Variants in ZGRF1 observed in about 807,000 individuals in gnomAD.
The protein encoded by ZGRF1 is zinc finger GRF-type containing 1.
In ZGRF1, 196 loss-of-function variants were observed where a neutral mutation model predicts 203.5. That is an observed-to-expected ratio of 0.96 (90% CI 0.86 to 1.08). ZGRF1 has a LOEUF of 1.08. Among genes scored for constraint, ZGRF1 ranks in the 50% least tolerant of loss-of-function variants. ZGRF1 has a pLI of 0.00. For synonymous variants in ZGRF1, 809 were observed against 841.3 expected (o/e 0.96, Z 0.66); for missense variants, 2,326 against 2,416.3 (o/e 0.96, Z 0.78).
intron 22 of ZGRF1, among the ~76,000 whole-genome samples, chr4:112,550,848 C>CA (rs1364078347): frequency 1.3e-5 from 2 of 152,042 alleles, no homozygotes; most frequent in African/African-American, 4.8e-5. Flanking sequence ...GATTCTATCT[C>CA]AAAAAAATTA....
At chr4:112,578,367 G>A (rs1431343202) in intron 16 of ZGRF1, among the ~76,000 whole-genome samples, 2 of 120,466 alleles carry the variant, frequency 1.7e-5, no homozygotes, top group African/African-American at 5.8e-5. Flanking sequence ...AAGAACTAGA[G>A]AAGCAAGAGC....
chr4:112,625,289 T>C (rs1397226711), intron 3 of ZGRF1, among the ~76,000 whole-genome samples: 6 of 148,352 alleles, frequency 4.0e-5, no homozygotes, highest in South Asian at 2.2e-4. Flanking sequence ...ACCCTGTCTA[T>C]TTAAAAAAAG....
chr4:112,556,713 A>G (rs1741001878), intron 20 of ZGRF1, among the ~76,000 whole-genome samples: 1 of 152,216 alleles, frequency 6.6e-6, no homozygotes, highest in Non-Finnish European at 1.5e-5. Flanking sequence ...GGACACAAAC[A>G]ACACATACTA....
At chr4:112,607,575 C>G (rs1750961946) in intron 8 of ZGRF1, among the ~76,000 whole-genome samples, 1 of 152,160 alleles carries the variant, frequency 6.6e-6, no homozygotes, top group East Asian at 1.9e-4. Flanking sequence ...TCAAAGAACA[C>G]ACTGTTTTGA....
chr4:112,580,548 T>C (rs1224852579), intron 16 of ZGRF1, among the ~76,000 whole-genome samples: 4 of 151,448 alleles, frequency 2.6e-5, no homozygotes, highest in East Asian at 3.9e-4. Flanking sequence ...GGCTAATATC[T>C]AGAATCTACA....
intron 22 of ZGRF1, among the ~76,000 whole-genome samples, chr4:112,550,873 A>C (rs1030712641): frequency 5.9e-5 from 9 of 152,184 alleles, no homozygotes; most frequent in Non-Finnish European, 1.3e-4. Context: ...TTTTTTTAGA[A>C]GTCTACAGTA....
At chr4:112,623,949 ATAAG>A (rs1488938364) in intron 3 of ZGRF1, 73 bp from the exon 4 acceptor site, 52 of 758,532 alleles carry the variant, frequency 6.9e-5, no homozygotes, top group Non-Finnish European at 9.7e-5. Context: ...TCAAGAGGAA[ATAAG>A]TAATTGTTAT....
intron 13 of ZGRF1, among the ~76,000 whole-genome samples, 152 bp from the exon 14 acceptor site, chr4:112,585,877 TAACA>T (rs1276864905): frequency 8.6e-5 from 13 of 150,462 alleles, no homozygotes; most frequent in African/African-American, 2.9e-4. Flanking sequence ...CTGCTAAATT[TAACA>T]GGTCATTTGT....
In ZGRF1 at chr4:112,618,138, A is replaced by G; in HGVS notation, c.1904T>C (p.Ile635Thr). 1.2e-6 allele frequency: 2 copies of G among 1,613,736 alleles called. No individual in the cohort carries two copies. The highest frequency in any genetic ancestry group is 8.5e-7 in the Non-Finnish European group (1 of 1,179,812). The change falls in exon 6 of 28, where the codon ATA becomes ACA. Residue 635 changes from isoleucine (I) to threonine (T), a missense_variant. Ile to Thr is a moderately conservative substitution (Grantham distance 89). Transcript: ENST00000505019. The part of the protein sequence containing the change: ...ICKTENTGKE[I>T]EEYSDTLSNF... ...GCTTAATGTGTCACTATACTCCTCT[A>G]TTTCTTTTCCTGTGTTTTCAGTTTT...
chr4:112,634,072 T>C (rs1325120605), intron 1 of ZGRF1, among the ~76,000 whole-genome samples: 1 of 152,212 alleles, frequency 6.6e-6, no homozygotes, highest in Admixed American at 6.5e-5. Flanking sequence ...TCAGTTCCTC[T>C]TTTAGACATA....
intron 24 of ZGRF1, among the ~76,000 whole-genome samples, chr4:112,545,566 G>T (rs1028013214): frequency 6.6e-6 from 1 of 152,104 alleles, no homozygotes; most frequent in African/African-American, 2.4e-5. Context: ...ATAGAAAAAA[G>T]TTTGGTGGTT....
intron 24 of ZGRF1, 25 bp from the exon 25 acceptor site, chr4:112,541,293 TAAAACA>T: frequency 7.2e-7 from 1 of 1,394,914 alleles, no homozygotes; most frequent in Non-Finnish European, 9.7e-7. Flanking sequence ...TGAAGAAAAA[TAAAACA>T]TAATTTTTTT....
Position 112,617,933 on chromosome 4 carries a change from A to AT in ZGRF1, c.2108dup (p.Asn703LysfsTer17). On this transcript the variant is annotated frameshift_variant, in exon 6 of 28. Coordinates refer to ENST00000505019, the MANE Select transcript of ZGRF1 (RefSeq NM_018392.5). LOFTEE classifies it high-confidence loss of function. ...GAGGTTGAGCATCTTCTGAAAATAG[A>AT]TTACTGTTTTCAGCAATCTGGTTTT... 1.2e-6 allele frequency: 2 copies of AT among 1,613,468 alleles called. No homozygotes were observed. The highest frequency in any genetic ancestry group is 1.3e-5 in the African/African-American group (1 of 75,046).
intron 11 of ZGRF1, among the ~76,000 whole-genome samples, chr4:112,589,453 AG>A (rs1268210307): frequency 6.6e-6 from 1 of 152,214 alleles, no homozygotes; most frequent in Non-Finnish European, 1.5e-5. Flanking sequence ...AGCTGTGAGA[AG>A]AACTGACAAT....
Position 112,618,715 on chromosome 4 carries a change from G to C in ZGRF1, c.1327C>G (p.Gln443Glu), listed in dbSNP as rs1194029418. ...CCTTTAATGCACCCCTTGTCATTTT[G>C]ATTAAAAGGTATTTTATTATCTTCT... ...IQEDNKIPFNQNDKGCIKGSV... is the reference protein window; with the variant it reads ...IQEDNKIPFNENDKGCIKGSV... Residue 443 changes from glutamine to glutamate, a missense_variant, in exon 6 of 28, where the codon CAA becomes GAA. Coordinates refer to ENST00000505019, the MANE Select transcript of ZGRF1 (RefSeq NM_018392.5). 2 of 1,610,762 alleles carry C rather than the reference G, an allele frequency of 1.2e-6. No homozygotes were observed. The highest frequency in any genetic ancestry group is 2.7e-5 in the African/African-American group (2 of 74,924).
intron 22 of ZGRF1, 115 bp downstream of exon 22, chr4:112,553,720 T>C (rs940534919): frequency 4.5e-6 from 4 of 888,094 alleles, no homozygotes; most frequent in African/African-American, 1.7e-5. Context: ...TAGTAGAATA[T>C]AAACTATCAT....
intron 20 of ZGRF1, among the ~76,000 whole-genome samples, chr4:112,556,214 C>T (rs112807594): frequency 0.033 from 5,089 of 152,088 alleles, 280 homozygotes; most frequent in African/African-American, 0.11. Flanking sequence ...TTATTCTAGA[C>T]TTAGGATTAT....
At chr4:112,544,177 T>A (rs369354133) in intron 24 of ZGRF1, among the ~76,000 whole-genome samples, 2 of 152,264 alleles carry the variant, frequency 1.3e-5, no homozygotes, top group African/African-American at 4.8e-5. Flanking sequence ...ACAATTCAAC[T>A]CAAAATTCAA....
At chr4:112,623,679 T>C (rs2047135999) in intron 4 of ZGRF1, 138 bp downstream of exon 4, 1 of 588,882 alleles carries the variant, frequency 1.7e-6, no homozygotes, top group African/African-American at 1.9e-5. Context: ...TAAAAGGTTT[T>C]AGCACAAAGT....
Sources: gnomAD v4.1 joint callset for allele counts (sites outside exome capture counted in the v4.1 genomes callset) on GRCh38, gnomAD v4.1.1 for gene constraint, MANE v1.5 for transcripts, NCBI Gene and HGNC (gene_info 2026-07-23, HGNC 2026-07-21) for gene names.